STMN1: variants seen among roughly 807,000 people sequenced by gnomAD.
STMN1 encodes the protein stathmin.
Under a neutral mutation model 19.7 loss-of-function variants are expected in STMN1, and 3 were observed. The ratio of observed to expected loss-of-function variants is 0.15; its 90% CI spans 0.07 to 0.39. The LOEUF (loss-of-function observed/expected upper bound fraction) is 0.39. STMN1 is among the 10% of genes least tolerant of loss of function. The pLI is 1.00. For missense variants in STMN1, 99 were observed against 176.0 expected, an observed-to-expected ratio of 0.56 and a Z score of 2.48; for synonymous variants, 59 against 58.9, an observed-to-expected ratio of 1.00 and a Z score of -0.01.
chr1:25,899,149 A>G (rs2048846803), downstream of STMN1, among the ~76,000 whole-genome samples: 1 of 152,172 alleles, frequency 6.6e-6, no homozygotes, highest in African/African-American at 2.4e-5. Flanking sequence ...ATGGGTGGTA[A>G]CTGATGAGGC....
intron 1 of STMN1, chr1:25,904,958 C>A (rs1374488811): frequency 5.5e-6 from 2 of 366,394 alleles, no homozygotes; most frequent in Non-Finnish European, 9.8e-6. Context: ...GTTAACTGAG[C>A]TTTCTCGGTC....
At chr1:25,896,146 G>C (rs986329051), downstream of STMN1, among the ~76,000 whole-genome samples, 1 of 152,216 alleles carries the variant, frequency 6.6e-6, no homozygotes, top group African/African-American at 2.4e-5. Flanking sequence ...GTCTGGGTTT[G>C]AGTCCTGACT....
chr1:25,903,426 G>A, intron 3 of STMN1: 1 of 534,684 alleles, frequency 1.9e-6, no homozygotes, highest in Non-Finnish European at 3.2e-6. Flanking sequence ...TCCATTATTT[G>A]AGGCAACACC....
downstream of STMN1, among the ~76,000 whole-genome samples, chr1:25,895,647 AG>A (rs2124237726): frequency 6.6e-6 from 1 of 152,360 alleles, no homozygotes; most frequent in African/African-American, 2.4e-5. Context: ...CAGGGTTGCC[AG>A]ATCTGTCAGC....
At position 25,903,574 on chromosome 1, in the gene STMN1, T is replaced by C. The variant is rs1044208180; in HGVS notation, c.186+67A>G. 82 of 1,581,374 alleles carry C rather than the reference T, an allele frequency of 5.2e-5. 1 individual carries two copies. Among genetic ancestry groups the C allele is most frequent in the South Asian group, 1.7e-4 (15 of 86,438 alleles). The stretch of plus-strand genomic sequence containing the variant: ...CTACAATTCTGTTTTCTTCCTGTTA[T>C]AGAAATAAAATTGATCTGCCCATTA... On this transcript the variant is annotated intron_variant, in intron 3 of 4. Transcript: ENST00000455785.
chr1:25,888,632 A>G (rs1348025790), intron 4 of STMN1, among the ~76,000 whole-genome samples: 1 of 152,220 alleles, frequency 6.6e-6, no homozygotes, highest in Non-Finnish European at 1.5e-5. Context: ...GCAAGCAATG[A>G]AAAGCCACAA....
downstream of STMN1, among the ~76,000 whole-genome samples, chr1:25,899,504 C>T (rs1211302186): frequency 6.6e-6 from 1 of 152,206 alleles, no homozygotes; most frequent in Non-Finnish European, 1.5e-5. Context: ...GGCGTAACTC[C>T]TTAAACCAAG....
chr1:25,899,980 A>T, downstream of STMN1: 4 of 627,534 alleles, frequency 6.4e-6, no homozygotes, highest in Non-Finnish European at 7.9e-6. Flanking sequence ...GCGTTCCCTG[A>T]ATTGAGAGGC....
intron 2 of STMN1, among the ~76,000 whole-genome samples, chr1:25,904,347 C>T (rs1469237589): frequency 1.3e-5 from 2 of 152,124 alleles, no homozygotes; most frequent in East Asian, 3.8e-4. Flanking sequence ...AAAACCATCT[C>T]CCAGAAAAAC....
chr1:25,901,189 A>G, intron 4 of STMN1, 102 bp from the exon 5 acceptor site: 1 of 1,539,490 alleles, frequency 6.5e-7, no homozygotes, highest in Admixed American at 2.2e-5. Flanking sequence ...GCCCAACACA[A>G]CCTCAGTGCA....
intron 3 of STMN1, chr1:25,902,793 T>C (rs541276669): frequency 2.0e-5 from 3 of 152,376 alleles, no homozygotes; most frequent in South Asian, 2.1e-4. Context: ...GACGACTCCT[T>C]AGTGTAAGCA....
In STMN1 at chr1:25,886,737, T is replaced by C. The variant is rs139720503; in HGVS notation, c.379-868A>G. Among the ~76,000 whole-genome samples, 644 of 152,070 alleles carry C rather than the reference T, an allele frequency of 4.2e-3. 5 individuals carry two copies. Among genetic ancestry groups the C allele is most frequent in the African/African-American group, 0.015 (616 of 41,478 alleles). Reference sequence around the variant, plus strand: ...CTGAGTAGCTGGGACTACAGATGCCTGCCACCACACCTAGCTAATATTTTT... The same window carrying C: ...CTGAGTAGCTGGGACTACAGATGCCCGCCACCACACCTAGCTAATATTTTT... On this transcript the variant is annotated intron_variant, in intron 4 of 4. Transcript: ENST00000426559.
intron 4 of STMN1, among the ~76,000 whole-genome samples, chr1:25,889,820 T>C (rs2048756871): frequency 1.3e-5 from 2 of 152,168 alleles, no homozygotes; most frequent in African/African-American, 2.4e-5. Context: ...CCTCCTTGTA[T>C]GGGGTCCCCT....
intron 4 of STMN1, among the ~76,000 whole-genome samples, chr1:25,891,373 A>G (rs555932429): frequency 2.4e-4 from 37 of 152,288 alleles, no homozygotes; most frequent in Middle Eastern, 6.8e-3. Flanking sequence ...TAAAATGCCT[A>G]TACAATGCAC....
downstream of STMN1, among the ~76,000 whole-genome samples, chr1:25,898,896 AGCCAGAT>A (rs1258407650): frequency 6.6e-6 from 1 of 152,240 alleles, no homozygotes; most frequent in Non-Finnish European, 1.5e-5. Context: ...CTTCACTCCA[AGCCAGAT>A]GCAAAGAATG....
intron 4 of STMN1, chr1:25,892,491 T>G (rs2048784581): frequency 1.0e-6 from 1 of 982,940 alleles, no homozygotes; most frequent in South Asian, 4.7e-5. Flanking sequence ...GTTGCAAGCT[T>G]GAACCAGTTC....
chr1:25,888,435 C>T (rs904326275), intron 4 of STMN1, among the ~76,000 whole-genome samples: 2 of 152,140 alleles, frequency 1.3e-5, no homozygotes, highest in African/African-American at 2.4e-5. Context: ...GCTAAATTCT[C>T]GGCACCTGGG....
rs2048861655 is a variant in STMN1, at chr1:25,900,690, T to C, written c.*326A>G. ...TAACAGTTCAAAAGAAGCCACTACA[T>C]ACTCTTTTCACAAATATGTTTTCAC... On this transcript the variant is annotated 3_prime_UTR_variant, in exon 5 of 5. Coordinates refer to ENST00000455785, the MANE Select transcript of STMN1 (RefSeq NM_005563.4). 1 of 1,069,670 alleles carries C rather than the reference T, an allele frequency of 9.3e-7. No individual in the cohort carries two copies. The highest frequency in any genetic ancestry group is 1.7e-5 in the African/African-American group (1 of 59,980). 66.3% of individuals were successfully genotyped at this position (1,069,670 alleles called of 1,614,324 possible). A position where few individuals can be genotyped will look rare whatever the true frequency, so the allele number is the denominator to read the frequency against.
At chr1:25,905,354 T>G (rs1476787076) in intron 1 of STMN1, 4 of 152,358 alleles carry the variant, frequency 2.6e-5, no homozygotes, top group African/African-American at 9.6e-5. Flanking sequence ...ACATTATGAC[T>G]TTTGTAGACG....
Sources: gnomAD v4.1 joint callset for allele counts (sites outside exome capture counted in the v4.1 genomes callset) on GRCh38, gnomAD v4.1.1 for gene constraint, MANE v1.5 for transcripts, NCBI Gene and HGNC (gene_info 2026-07-23, HGNC 2026-07-21) for gene names.